Variants in HSPBAP1 observed in about 807,000 individuals in gnomAD.
HSPBAP1 encodes the protein HSPB1-associated protein 1.
In HSPBAP1, 27 loss-of-function variants were observed where a neutral mutation model predicts 45.2. The ratio of observed to expected loss-of-function variants is 0.60; its 90% confidence interval spans 0.44 to 0.82. HSPBAP1 has a LOEUF of 0.82. Among genes scored for constraint, HSPBAP1 ranks in the 40% least tolerant of loss-of-function variants. The probability of loss-of-function intolerance (pLI) is 0.00; values close to 1 mark genes in which losing one functional copy is unlikely to be tolerated. For missense variants in HSPBAP1, 510 were observed against 590.9 expected, an observed-to-expected ratio of 0.86 and a Z score of 1.42; for synonymous variants, 204 against 202.7, an observed-to-expected ratio of 1.01 and a Z score of -0.06.
In HSPBAP1 at chr3:122,776,304, G is replaced by A. The variant is rs560696176; in HGVS notation, c.250+1417C>T. On this transcript the variant is annotated intron_variant, in intron 2 of 7. Coordinates refer to ENST00000306103, the MANE Select transcript of HSPBAP1 (RefSeq NM_024610.6). ...ATTTTATTTAATAAAAAAGAACATC[G>A]TCTTTACTAAAAGCTCAGAGTCATT... Among the ~76,000 whole-genome samples, 31 of 152,226 alleles carry A rather than the reference G, an allele frequency of 2.0e-4. No individual in the cohort carries two copies. In the South Asian group the frequency reaches 3.5e-3, roughly 17 times the overall value.
intron 2 of HSPBAP1, among the ~76,000 whole-genome samples, chr3:122,773,518 C>T (rs113822386): frequency 0.096 from 14,630 of 151,786 alleles, 957 homozygotes; most frequent in African/African-American, 0.18. Context: ...GGTTTTGCCA[C>T]GTGCCCAGGC....
At chr3:122,753,728 A>G in intron 5 of HSPBAP1, 1 of 984,960 alleles carries the variant, frequency 1.0e-6, no homozygotes, top group Non-Finnish European at 1.2e-6. Flanking sequence ...TTTCAGGAAA[A>G]CTGGAAACTA....
intron 1 of HSPBAP1, among the ~76,000 whole-genome samples, chr3:122,791,172 T>C (rs571415690): frequency 6.6e-6 from 1 of 152,334 alleles, no homozygotes; most frequent in East Asian, 1.9e-4. Flanking sequence ...CTCCAGTCTT[T>C]CTCCCTCCAA....
rs1458708627 is a variant in HSPBAP1 at position 122,781,235 on chromosome 3, A to G, written c.65-3329T>C. Among the ~76,000 whole-genome samples the G allele has an allele frequency of 2.0e-5, 3 of 152,032 alleles. No individual in the cohort carries two copies. In the East Asian group the frequency reaches 5.8e-4, roughly 29 times the overall value. ...GAGGTGGAGGTTGTAGCGAGCCGAGATCACGCCACTGCACTCCAGCCTGGG... is the reference window on the plus strand; with the variant it reads ...GAGGTGGAGGTTGTAGCGAGCCGAGGTCACGCCACTGCACTCCAGCCTGGG... On this transcript the variant is annotated intron_variant, in intron 1 of 7. Transcript: ENST00000306103.
intron 1 of HSPBAP1, among the ~76,000 whole-genome samples, chr3:122,790,825 A>T (rs1240545627): frequency 1.3e-5 from 2 of 152,340 alleles, no homozygotes; most frequent in South Asian, 4.1e-4. Flanking sequence ...CTACAAAAAT[A>T]AAAAATAAAC....
chr3:122,771,706 C>T (rs992577891), intron 2 of HSPBAP1, among the ~76,000 whole-genome samples: 3 of 152,296 alleles, frequency 2.0e-5, no homozygotes, highest in South Asian at 2.1e-4. Context: ...CCACTGAGCA[C>T]GTATCTTGGG....
chr3:122,788,489 A>T (rs1049678272), intron 1 of HSPBAP1, among the ~76,000 whole-genome samples: 1 of 152,214 alleles, frequency 6.6e-6, no homozygotes, highest in Non-Finnish European at 1.5e-5. Flanking sequence ...TCTTGAAAAG[A>T]CATCTGCACA....
chr3:122,773,575 C>A (rs577908521), intron 2 of HSPBAP1, among the ~76,000 whole-genome samples: 1 of 152,064 alleles, frequency 6.6e-6, no homozygotes, highest in South Asian at 2.1e-4. Context: ...CTTGGCCCCC[C>A]AAAGTGCTAG....
intron 1 of HSPBAP1, 134 bp downstream of exon 1, chr3:122,793,483 A>AT (rs111560238): frequency 1.4e-5 from 10 of 711,792 alleles, no homozygotes; most frequent in African/African-American, 8.9e-5. Flanking sequence ...GAAAATATAG[A>AT]TTTTTCTTCA....
intron 6 of HSPBAP1, among the ~76,000 whole-genome samples, chr3:122,747,534 G>A (rs1277859337): frequency 6.7e-6 from 1 of 150,294 alleles, no homozygotes; most frequent in African/African-American, 2.4e-5. Flanking sequence ...TCGGAGGGAG[G>A]TGGGGGTCAG....
Position 122,786,350 on chromosome 3 carries a change from G to C in HSPBAP1, c.64+7267C>G, listed in dbSNP as rs536076884. 2.6e-5 allele frequency: 4 copies of C among 152,198 alleles called. No individual in the cohort carries two copies. The South Asian group carries it at 6.2e-4, about 24-fold the overall frequency. 9.4% of individuals were successfully genotyped at this position (152,198 alleles called of 1,614,324 possible). On this transcript the variant is annotated intron_variant, in intron 1 of 7. Coordinates refer to ENST00000306103, the MANE Select transcript of HSPBAP1 (RefSeq NM_024610.6). ...ACATTTTGCTTCTGGAACTTTAAAG[G>C]GCAGAGAAAAACAGAAGCATGAGTT...
intron 5 of HSPBAP1, chr3:122,753,713 G>C (rs1256193531): frequency 2.4e-5 from 24 of 984,390 alleles, no homozygotes; most frequent in Non-Finnish European, 2.5e-5. Context: ...TAGAAAGAGA[G>C]ATCCTTTCAG....
In HSPBAP1 at chr3:122,747,602, C is replaced by T. The variant is rs557910402; in HGVS notation, c.825+4989G>A. Among the ~76,000 whole-genome samples, 1,251 of 147,214 alleles carry T rather than the reference C, an allele frequency of 8.5e-3. 26 individuals carry two copies. Among genetic ancestry groups the T allele is most frequent in the African/African-American group, 0.03 (1,197 of 39,872 alleles). On this transcript the variant is annotated intron_variant, in intron 6 of 7. Coordinates refer to ENST00000306103, the MANE Select transcript of HSPBAP1 (RefSeq NM_024610.6). Reference sequence around the variant, plus strand: ...GGAGGTGGGGGGTCAGCGCCCCGCCCGGCCAGCCGCCCCATCTGGGAGGGA... The same window carrying T: ...GGAGGTGGGGGGTCAGCGCCCCGCCTGGCCAGCCGCCCCATCTGGGAGGGA...
chr3:122,752,509 G>T, intron 6 of HSPBAP1, 82 bp downstream of exon 6: 1 of 795,026 alleles, frequency 1.3e-6, no homozygotes, highest in South Asian at 2.0e-5. Context: ...TAATTACCCA[G>T]TTGTACAGCC....
intron 1 of HSPBAP1, among the ~76,000 whole-genome samples, chr3:122,778,237 T>C (rs886145608): frequency 2.0e-5 from 3 of 150,492 alleles, no homozygotes; most frequent in Non-Finnish European, 4.4e-5. Flanking sequence ...TTTTAATGTG[T>C]ATAGTGTTTT....
intron 6 of HSPBAP1, among the ~76,000 whole-genome samples, chr3:122,750,409 A>T (rs1934087243): frequency 6.6e-6 from 1 of 152,216 alleles, no homozygotes; most frequent in African/African-American, 2.4e-5. Flanking sequence ...ATTGGGTGTC[A>T]TGCTCATGTG....
chr3:122,765,992 C>A (rs1182589367), intron 3 of HSPBAP1, among the ~76,000 whole-genome samples: 1 of 152,018 alleles, frequency 6.6e-6, no homozygotes, highest in African/African-American at 2.4e-5. Flanking sequence ...TTTTCAGTTT[C>A]ATATGTGTGT....
rs61829230 is a variant in HSPBAP1 at position 122,748,143 on chromosome 3, T to C, written c.825+4448A>G. On this transcript the variant is annotated intron_variant, in intron 6 of 7. Coordinates refer to ENST00000306103, the MANE Select transcript of HSPBAP1 (RefSeq NM_024610.6). ...CACTCAGGGTTAAATGGATTAAGGG[T>C]GGTGCAAGATGTGCTTTGTTAAACA... 3.0e-3 allele frequency among the ~76,000 whole-genome samples: 450 copies of C among 149,062 alleles called. 3 individuals carry two copies. The highest frequency in any genetic ancestry group is 8.1e-3 in the African/African-American group (325 of 40,304).
chr3:122,759,321 C>T lies in HSPBAP1; in HGVS notation c.472G>A (p.Gly158Arg), dbSNP rs1223744498. Residue 158 changes from glycine to arginine, a missense_variant, in exon 4 of 8, where the codon GGA becomes AGA. Transcript: ENST00000306103. ...WSDFGFPGRN[G>R]QESTLWIGSL... The stretch of plus-strand genomic sequence containing the variant: ...CCAATCCACAATGTACTTTCCTGTC[C>T]ATTTCTTCCAGGAAACCCGAAGTCA... 2 of 1,613,940 alleles carry T rather than the reference C, an allele frequency of 1.2e-6. No homozygotes were observed. The highest frequency in any genetic ancestry group is 1.7e-6 in the Non-Finnish European group (2 of 1,179,870).
Sources: allele counts gnomAD v4.1 joint callset (sites outside exome capture counted in the v4.1 genomes callset), GRCh38; gene constraint gnomAD v4.1.1; transcripts MANE v1.5; gene names NCBI Gene and HGNC (gene_info 2026-07-23, HGNC 2026-07-21).